Variants in ENTREP2 observed in about 807,000 individuals in gnomAD.
ENTREP2 encodes the protein protein ENTREP2.
At chr15:29,436,519 G>A in the ENTREP2 span, among the ~76,000 whole-genome samples, 1 of 152,192 alleles carries the variant, frequency 6.6e-6, no homozygotes, top group Non-Finnish European at 1.5e-5. Flanking sequence ...AAGTTCAGAT[G>A]TAAAATATGT....
the ENTREP2 span, among the ~76,000 whole-genome samples, chr15:29,469,410 G>C: frequency 9.8e-5 from 15 of 152,314 alleles, no homozygotes; most frequent in Admixed American, 9.2e-4. Context: ...ATGTTGGCCA[G>C]GCTGGTCTCG....
chr15:29,253,876 C>A, the ENTREP2 span, among the ~76,000 whole-genome samples: 1 of 152,072 alleles, frequency 6.6e-6, no homozygotes, highest in East Asian at 1.9e-4. Context: ...TATAGAGACA[C>A]AGACTTTTCC....
chr15:29,360,068 C>T, the ENTREP2 span, among the ~76,000 whole-genome samples: 1 of 152,130 alleles, frequency 6.6e-6, no homozygotes, highest in Non-Finnish European at 1.5e-5. Flanking sequence ...CTCAGAATTG[C>T]ATATTAAATT....
At chr15:29,593,019 CT>C in the ENTREP2 span, among the ~76,000 whole-genome samples, 1 of 152,124 alleles carries the variant, frequency 6.6e-6, no homozygotes, top group Non-Finnish European at 1.5e-5. Flanking sequence ...TAATAAACCT[CT>C]TTTCTTTAGA....
chr15:29,163,638 G>A, the ENTREP2 span, among the ~76,000 whole-genome samples: 2 of 151,850 alleles, frequency 1.3e-5, no homozygotes, highest in African/African-American at 2.4e-5. Context: ...AAGAAAATAT[G>A]AACAAAGCCT....
the ENTREP2 span, among the ~76,000 whole-genome samples, chr15:29,147,002 A>T: frequency 6.6e-6 from 1 of 152,136 alleles, no homozygotes; most frequent in Admixed American, 6.5e-5. Flanking sequence ...GCTCTTAGGC[A>T]TTGCTTTCTT....
At chr15:29,321,137 G>A in the ENTREP2 span, among the ~76,000 whole-genome samples, 4 of 152,004 alleles carry the variant, frequency 2.6e-5, no homozygotes, top group African/African-American at 4.8e-5. Context: ...AAAACTCTAC[G>A]CTGAGGCATC....
the ENTREP2 span, among the ~76,000 whole-genome samples, chr15:29,658,510 A>T: frequency 6.6e-6 from 1 of 152,148 alleles, no homozygotes; most frequent in African/African-American, 2.4e-5. Context: ...GGGGTGATAG[A>T]ATCATCGTGT....
the ENTREP2 span, among the ~76,000 whole-genome samples, chr15:29,260,868 A>T: frequency 2.0e-5 from 3 of 152,342 alleles, no homozygotes; most frequent in African/African-American, 7.2e-5. Context: ...ACTAAAAAGC[A>T]TTATTAGGAA....
At chr15:29,532,232 G>A in the ENTREP2 span, among the ~76,000 whole-genome samples, 1 of 152,086 alleles carries the variant, frequency 6.6e-6, no homozygotes, top group East Asian at 1.9e-4. Flanking sequence ...ATTTTATTCA[G>A]AAAACATCAC....
chr15:29,254,160 GCAAAA>G, the ENTREP2 span, among the ~76,000 whole-genome samples: 1 of 4,506 alleles, frequency 2.2e-4, no homozygotes, highest in Non-Finnish European at 9.6e-4. Flanking sequence ...TTGTTAAAGA[GCAAAA>G]AAAAAAAAAA....
the ENTREP2 span, chr15:29,123,619 GC>G: frequency 6.4e-7 from 1 of 1,550,784 alleles, no homozygotes; most frequent in Non-Finnish European, 8.7e-7. Context: ...TGAAAGCTGG[GC>G]CCGACAGGCA....
chr15:29,629,201 G>A, the ENTREP2 span, among the ~76,000 whole-genome samples: 1 of 152,040 alleles, frequency 6.6e-6, no homozygotes, highest in African/African-American at 2.4e-5. Flanking sequence ...AGTTTCTTAG[G>A]TGCATCACAT....
chr15:29,354,739 G>C, the ENTREP2 span, among the ~76,000 whole-genome samples: 1 of 152,108 alleles, frequency 6.6e-6, no homozygotes, highest in Non-Finnish European at 1.5e-5. Context: ...AAGAGAAAAG[G>C]AGACTGCCCC....
the ENTREP2 span, chr15:29,195,080 T>C: frequency 1.0e-6 from 1 of 975,696 alleles, no homozygotes; most frequent in Non-Finnish European, 1.2e-6. Context: ...AGGTAGAATG[T>C]GGGCGTAGGT....
chr15:29,418,325 AAC>A, the ENTREP2 span, among the ~76,000 whole-genome samples: 1 of 152,202 alleles, frequency 6.6e-6, no homozygotes. Flanking sequence ...GCATTTAACT[AAC>A]ACAGGAGTGG....
the ENTREP2 span, among the ~76,000 whole-genome samples, chr15:29,423,776 C>A: frequency 6.6e-6 from 1 of 151,968 alleles, no homozygotes; most frequent in African/African-American, 2.4e-5. Context: ...CCAACCTGGG[C>A]GACAGCGAGA....
At chr15:29,513,910 A>C in the ENTREP2 span, among the ~76,000 whole-genome samples, 3 of 152,202 alleles carry the variant, frequency 2.0e-5, no homozygotes, top group Non-Finnish European at 4.4e-5. Flanking sequence ...CGTGAACAAA[A>C]GAAACAACAA....
the ENTREP2 span, among the ~76,000 whole-genome samples, chr15:29,553,374 T>A: frequency 6.6e-6 from 1 of 152,120 alleles, no homozygotes; most frequent in Non-Finnish European, 1.5e-5. Flanking sequence ...GCAAACCAAT[T>A]AAAATACCAG....
Sources: gnomAD v4.1 joint callset for allele counts (sites outside exome capture counted in the v4.1 genomes callset) on GRCh38, gnomAD v4.1.1 for gene constraint, MANE v1.5 for transcripts, NCBI Gene and HGNC (gene_info 2026-07-23, HGNC 2026-07-21) for gene names.